The following MMP28 variants were observed in gnomAD, a reference collection of about 807,000 sequenced individuals.
MMP28 encodes the protein matrix metalloproteinase-28.
MMP28 carries 55 observed loss-of-function variants against 60.5 expected under a neutral mutation model. That is an observed-to-expected ratio of 0.91 (90% CI 0.73 to 1.14). The LOEUF (loss-of-function observed/expected upper bound fraction) is 1.14. Among genes scored for constraint, MMP28 ranks in the 50% most tolerant of loss-of-function variants. The pLI is 0.00. For missense variants in MMP28, 686 were observed against 738.3 expected, an observed-to-expected ratio of 0.93 and a Z score of 0.82; for synonymous variants, 318 against 312.5, an observed-to-expected ratio of 1.02 and a Z score of -0.18.
chr17:35,784,627 G>A (rs552876152), intron 1 of MMP28, among the ~76,000 whole-genome samples: 1 of 152,258 alleles, frequency 6.6e-6, no homozygotes, highest in African/African-American at 2.4e-5. Context: ...TCAGGGTGGA[G>A]GAGTGGCAGC....
chr17:35,761,553 A>C (rs587771775), downstream of MMP28, among the ~76,000 whole-genome samples: 1 of 152,084 alleles, frequency 6.6e-6, no homozygotes, highest in Admixed American at 6.5e-5. Context: ...TGCTGGGATT[A>C]CAGGTGTGAG....
chr17:35,790,230 AT>A (rs1453145303), intron 1 of MMP28, among the ~76,000 whole-genome samples: 1 of 151,510 alleles, frequency 6.6e-6, no homozygotes, highest in East Asian at 1.9e-4. Context: ...CACCTGGCTA[AT>A]TTTTACTATT....
At chr17:35,793,814 C>A (rs865858526) in intron 1 of MMP28, among the ~76,000 whole-genome samples, 1 of 152,282 alleles carries the variant, frequency 6.6e-6, no homozygotes, top group Non-Finnish European at 1.5e-5. Context: ...TGTTCATATT[C>A]CAGCTGGATG....
chr17:35,790,290 C>T (rs1249552747), intron 1 of MMP28, among the ~76,000 whole-genome samples: 1 of 152,048 alleles, frequency 6.6e-6, no homozygotes, highest in Non-Finnish European at 1.5e-5. Flanking sequence ...GTCTCCAACT[C>T]TTGACCTCAA....
intron 1 of MMP28, among the ~76,000 whole-genome samples, chr17:35,792,324 C>T (rs1227711921): frequency 6.6e-6 from 1 of 152,096 alleles, no homozygotes; most frequent in Non-Finnish European, 1.5e-5. Context: ...AACACTCATC[C>T]CCAGGACCCA....
Position 35,766,745 on chromosome 17 carries a change from C to G in MMP28, c.1318G>C (p.Val440Leu), listed in dbSNP as rs769891235. Reference sequence around the variant, plus strand: ...ACTTGCAGTCCCCCTCGGGCCAGCACGTAGTAGCGGGCACCCTTGAAGAGG... The same window carrying G: ...ACTTGCAGTCCCCCTCGGGCCAGCAGGTAGTAGCGGGCACCCTTGAAGAGG... ...LILFKGARYY[V>L]LARGGLQVEP... The change falls in exon 8 of 8, where the codon GTG becomes CTG. Residue 440 changes from valine (V) to leucine (L), a missense_variant. Coordinates refer to ENST00000605424, the MANE Select transcript of MMP28 (RefSeq NM_024302.5). The surrounding 1 kb of genome is among the most constrained non-coding windows in gnomAD (Gnocchi z 4.3). The G allele has an allele frequency of 6.3e-7, 1 of 1,587,578 alleles. No homozygotes were observed. The highest frequency in any genetic ancestry group is 8.6e-7 in the Non-Finnish European group (1 of 1,167,850).
downstream of MMP28, among the ~76,000 whole-genome samples, chr17:35,762,045 C>A (rs1381743234): frequency 3.3e-5 from 5 of 152,070 alleles, no homozygotes; most frequent in Non-Finnish European, 7.4e-5. Context: ...GGCTGGAATG[C>A]AGTGGCGTGA....
chr17:35,790,136 G>C (rs1053063715), intron 1 of MMP28, among the ~76,000 whole-genome samples: 3 of 140,108 alleles, frequency 2.1e-5, no homozygotes, highest in Non-Finnish European at 4.5e-5. Flanking sequence ...GCGTGATCTC[G>C]GCTCACTGCA....
chr17:35,768,012 G>A (rs768481484), intron 6 of MMP28, 93 bp from the exon 7 acceptor site: 691 of 1,429,866 alleles, frequency 4.8e-4, no homozygotes, highest in Non-Finnish European at 5.2e-4. Flanking sequence ...TTTCCCAAAT[G>A]GACAAGCATA....
At chr17:35,770,491 G>T (rs1173212564) in intron 4 of MMP28, among the ~76,000 whole-genome samples, 179 bp from the exon 5 acceptor site, 1 of 152,256 alleles carries the variant, frequency 6.6e-6, no homozygotes, top group East Asian at 1.9e-4. Flanking sequence ...ACTACTTCAG[G>T]TGAGTAGTGC....
chr17:35,790,082 T>A (rs1469785146), intron 1 of MMP28, among the ~76,000 whole-genome samples: 1 of 145,146 alleles, frequency 6.9e-6, no homozygotes, highest in Non-Finnish European at 1.5e-5. Flanking sequence ...TTTTTTTTTT[T>A]TTGAGACAGA....
chr17:35,774,493 G>A (rs991976267), intron 3 of MMP28, among the ~76,000 whole-genome samples: 3 of 152,188 alleles, frequency 2.0e-5, no homozygotes, highest in African/African-American at 7.2e-5. Flanking sequence ...ACATAGACAG[G>A]CAGGCACATT....
In MMP28 at chr17:35,770,321, G is replaced by A. The variant is rs1555605154; in HGVS notation, c.605-9C>T. The A allele has an allele frequency of 3.3e-6, 5 of 1,496,080 alleles. No individual in the cohort carries two copies. In the African/African-American group the frequency reaches 4.2e-5, roughly 12 times the overall value. The allele number at this position is 1,496,080 out of a possible 1,614,324, so 92.7% of individuals were successfully genotyped here. ...GTGCGCCAGGGCGCCCCCTGCAGGT[G>A]GGGCAGAAGGTCAGGGGGTGCCACG... is the stretch of plus-strand genomic sequence containing the variant. On this transcript the variant is annotated splice_polypyrimidine_tract_variant and intron_variant, in intron 4 of 7. Coordinates refer to ENST00000605424, the MANE Select transcript of MMP28 (RefSeq NM_024302.5).
At chr17:35,763,888 C>T (rs887837246), downstream of MMP28, 2 of 711,608 alleles carry the variant, frequency 2.8e-6, no homozygotes, top group Non-Finnish European at 3.6e-6. Flanking sequence ...CAGAGAGAGA[C>T]CCTGTCTCAA....
At position 35,766,787 on chromosome 17, in the gene MMP28, G is replaced by A. The variant is rs764777782; in HGVS notation, c.1276C>T (p.Pro426Ser). ...TTGAAGAGGATGAGGCGGCGCAGAG[G>A]AGGGAAGAAGAGGGCGGCGTCAGGA... The part of the protein sequence containing the change: ...RHPDAALFFP[P>S]LRRLILFKGA... Residue 426 changes from proline (P) to serine (S), a missense_variant, in exon 8 of 8, where the codon CCT (proline) becomes TCT (serine). Coordinates refer to ENST00000605424, the MANE Select transcript of MMP28 (RefSeq NM_024302.5). The surrounding 1 kb of genome is among the most constrained non-coding windows in gnomAD (Gnocchi z 4.3). 9.5e-6 allele frequency: 15 copies of A among 1,573,244 alleles called. No homozygotes were observed. The African/African-American group carries it at 1.8e-4, about 18-fold the overall frequency.
intron 3 of MMP28, among the ~76,000 whole-genome samples, chr17:35,775,059 C>T (rs181710008): frequency 4.7e-4 from 71 of 152,172 alleles, no homozygotes; most frequent in Admixed American, 9.8e-4. Flanking sequence ...GAGGGGGTGG[C>T]GGGCAGTTTT....
At chr17:35,786,024 T>C (rs1234534020) in intron 1 of MMP28, among the ~76,000 whole-genome samples, 1 of 152,088 alleles carries the variant, frequency 6.6e-6, no homozygotes, top group Non-Finnish European at 1.5e-5. Flanking sequence ...GAAGGGACAT[T>C]TGGTAGGTGA....
chr17:35,758,172 A>G (rs753162752), intron 2 of MMP28: 2 of 152,178 alleles, frequency 1.3e-5, no homozygotes, highest in African/African-American at 4.8e-5. Context: ...GAGCTTGCCA[A>G]TAGAATATAG....
At chr17:35,790,966 G>A (rs1368625766) in intron 1 of MMP28, among the ~76,000 whole-genome samples, 1 of 150,564 alleles carries the variant, frequency 6.6e-6, no homozygotes, top group East Asian at 2.0e-4. Flanking sequence ...CTCGGCTCAA[G>A]CAATCCTCCA....
Sources: allele counts gnomAD v4.1 joint callset (sites outside exome capture counted in the v4.1 genomes callset), GRCh38; gene constraint gnomAD v4.1.1; non-coding constraint Gnocchi (gnomAD v3.1); transcripts MANE v1.5; gene names NCBI Gene and HGNC (gene_info 2026-07-23, HGNC 2026-07-21).